Variants in RNF180 observed in about 807,000 individuals in gnomAD.
RNF180 encodes ring finger protein 180, also known as E3 ubiquitin-protein ligase RNF180.
RNF180 carries 38 observed loss-of-function variants against 59.2 expected under a neutral mutation model. That is an observed-to-expected ratio of 0.64 (90% CI 0.50 to 0.84). The LOEUF is 0.84. RNF180 is among the 40% of genes least tolerant of loss of function. The probability of loss-of-function intolerance (pLI) is 0.00; values close to 1 mark genes in which losing one functional copy is unlikely to be tolerated. For synonymous variants in RNF180, 262 were observed against 240.3 expected, an observed-to-expected ratio of 1.09 and a Z score of -0.84; for missense variants, 705 against 700.9, an observed-to-expected ratio of 1.01 and a Z score of -0.07.
At position 64,183,064 on chromosome 5, in the gene RNF180, T is replaced by C. The variant is rs1750692823; in HGVS notation, c.-1+17111T>C. 2.0e-5 allele frequency among the ~76,000 whole-genome samples: 3 copies of C among 152,318 alleles called. No homozygotes were observed. The South Asian group carries it at 6.2e-4, about 32-fold the overall frequency. On this transcript the variant is annotated intron_variant, in intron 1 of 7. Coordinates refer to ENST00000389100, the MANE Select transcript of RNF180 (RefSeq NM_001113561.2). ...ATGTTTGTTGCATCCTCCATTTCAG[T>C]ATGTGACCATCAGCTTAGAATTCTC...
intron 5 of RNF180, among the ~76,000 whole-genome samples, chr5:64,296,896 A>G (rs1288117209): frequency 6.6e-6 from 1 of 151,896 alleles, no homozygotes; most frequent in Non-Finnish European, 1.5e-5. Flanking sequence ...AGGCCTTTCC[A>G]CTCTTTGTGG....
In RNF180 at chr5:64,370,452, C is replaced by T. The variant is rs9291808; in HGVS notation, c.*638C>T. ...TAATCCCTACCAATAAACACTTTAGCTAGCTATAAACACTTTCCAGATTGA... is the reference window on the plus strand; with the variant it reads ...TAATCCCTACCAATAAACACTTTAGTTAGCTATAAACACTTTCCAGATTGA... On this transcript the variant is annotated 3_prime_UTR_variant, in exon 8 of 8. Coordinates refer to ENST00000389100, the MANE Select transcript of RNF180 (RefSeq NM_001113561.2). 2 of 150,674 alleles carry T rather than the reference C, an allele frequency of 1.3e-5. No individual in the cohort carries two copies. Among genetic ancestry groups the T allele is most frequent in the Non-Finnish European group, 3.0e-5 (2 of 67,422 alleles). The allele number at this position is 150,674 out of a possible 1,614,324, so 9.3% of individuals were successfully genotyped here.
At chr5:64,358,229 G>A (rs1746105668) in intron 7 of RNF180, among the ~76,000 whole-genome samples, 2 of 151,780 alleles carry the variant, frequency 1.3e-5, no homozygotes, top group South Asian at 4.1e-4. Context: ...TGGTTATTGT[G>A]GCAGAGGAAA....
intron 1 of RNF180, among the ~76,000 whole-genome samples, chr5:64,170,607 G>T (rs1386103692): frequency 1.3e-5 from 2 of 152,146 alleles, no homozygotes; most frequent in Admixed American, 1.3e-4. Flanking sequence ...AATTAAGAGG[G>T]ATAAGAATCT....
intron 7 of RNF180, among the ~76,000 whole-genome samples, chr5:64,356,107 G>T (rs1354343173): frequency 6.6e-6 from 1 of 151,380 alleles, no homozygotes; most frequent in Non-Finnish European, 1.5e-5. Flanking sequence ...AAAACAAATT[G>T]TAATTAGCTG....
intron 5 of RNF180, among the ~76,000 whole-genome samples, chr5:64,229,435 G>GTAGA (rs935052360): frequency 1.8e-4 from 27 of 152,216 alleles, no homozygotes; most frequent in African/African-American, 6.5e-4. Flanking sequence ...ATTTACTAGG[G>GTAGA]TAGAATATGG....
At chr5:64,204,486 G>T (rs1579995253) in intron 2 of RNF180, among the ~76,000 whole-genome samples, 1 of 152,080 alleles carries the variant, frequency 6.6e-6, no homozygotes, top group Non-Finnish European at 1.5e-5. Flanking sequence ...GAGGTCAATT[G>T]TGTTTTCTGC....
At chr5:64,208,695 A>G (rs1752152515) in intron 2 of RNF180, among the ~76,000 whole-genome samples, 1 of 152,038 alleles carries the variant, frequency 6.6e-6, no homozygotes, top group Non-Finnish European at 1.5e-5. Flanking sequence ...GTCCATGTGT[A>G]AAGTTTTCAG....
intron 5 of RNF180, among the ~76,000 whole-genome samples, chr5:64,311,674 C>T (rs1252227760): frequency 6.6e-6 from 1 of 151,938 alleles, no homozygotes; most frequent in East Asian, 1.9e-4. Context: ...TTGTACATAC[C>T]ATTCAGATCT....
chr5:64,226,755 A>G (rs1741786046), intron 5 of RNF180, among the ~76,000 whole-genome samples: 1 of 152,226 alleles, frequency 6.6e-6, no homozygotes, highest in South Asian at 2.1e-4. Flanking sequence ...AGCTGGTAAC[A>G]GAGTTCTTTA....
At chr5:64,170,222 A>G (rs1244412759) in intron 1 of RNF180, among the ~76,000 whole-genome samples, 1 of 152,226 alleles carries the variant, frequency 6.6e-6, no homozygotes, top group Non-Finnish European at 1.5e-5. Flanking sequence ...TTTCTAGCCA[A>G]GGTTAAAAAA....
In RNF180 at chr5:64,251,978, T is replaced by C. The variant is rs7718455; in HGVS notation, c.1227+34582T>C. On this transcript the variant is annotated intron_variant, in intron 5 of 7. Coordinates refer to ENST00000389100, the MANE Select transcript of RNF180 (RefSeq NM_001113561.2). The stretch of plus-strand genomic sequence containing the variant: ...GTGGAAAATATCTCATACACATGGA[T>C]TGGATTTTAAGTGTCCATGCTATAC... Among the ~76,000 whole-genome samples, 1,424 of 152,252 alleles carry C rather than the reference T, an allele frequency of 9.4e-3. 13 individuals are homozygous for C. The highest frequency in any genetic ancestry group is 0.032 in the African/African-American group (1,344 of 41,546).
At chr5:64,359,238 T>A (rs201955503) in intron 7 of RNF180, among the ~76,000 whole-genome samples, 5 of 149,622 alleles carry the variant, frequency 3.3e-5, no homozygotes, top group Non-Finnish European at 7.4e-5. Flanking sequence ...TGAACTAGTT[T>A]ACAGTCCCAC....
intron 5 of RNF180, among the ~76,000 whole-genome samples, chr5:64,261,454 C>T (rs1267433839): frequency 1.3e-5 from 2 of 152,090 alleles, no homozygotes; most frequent in Non-Finnish European, 2.9e-5. Context: ...AGAATGGTAT[C>T]GCTACTTCTT....
chr5:64,176,397 A>T (rs900596286), intron 1 of RNF180, among the ~76,000 whole-genome samples: 9 of 152,104 alleles, frequency 5.9e-5, no homozygotes, highest in African/African-American at 2.4e-5. Context: ...CTTTCCAGAA[A>T]ACCAGCTCTG....
intron 6 of RNF180, among the ~76,000 whole-genome samples, chr5:64,329,703 C>G (rs1744811024): frequency 6.6e-6 from 1 of 152,204 alleles, no homozygotes; most frequent in South Asian, 2.1e-4. Context: ...AGTGATCCAC[C>G]TGCCTCAACA....
At chr5:64,256,708 A>C (rs532619091) in intron 5 of RNF180, among the ~76,000 whole-genome samples, 42 of 152,096 alleles carry the variant, frequency 2.8e-4, no homozygotes, top group Admixed American at 5.9e-4. Context: ...TCCATATGAA[A>C]TTTAAAGTAG....
intron 5 of RNF180, among the ~76,000 whole-genome samples, chr5:64,237,480 G>A (rs1173140163): frequency 6.6e-6 from 1 of 152,132 alleles, no homozygotes; most frequent in Admixed American, 6.5e-5. Context: ...AGGCTCATAG[G>A]TGGGAGGGAC....
At chr5:64,181,334 C>T (rs1002284187) in intron 1 of RNF180, among the ~76,000 whole-genome samples, 2 of 152,196 alleles carry the variant, frequency 1.3e-5, no homozygotes, top group Non-Finnish European at 1.5e-5. Context: ...AACCATCACA[C>T]GTGGGTACCA....
Sources: allele counts gnomAD v4.1 joint callset (sites outside exome capture counted in the v4.1 genomes callset), GRCh38; gene constraint gnomAD v4.1.1; transcripts MANE v1.5; gene names NCBI Gene and HGNC (gene_info 2026-07-23, HGNC 2026-07-21).